The following GPC6 variants were observed in gnomAD, a reference collection of about 807,000 sequenced individuals.
GPC6 encodes glypican-6.
Under a neutral mutation model 55.2 loss-of-function variants are expected in GPC6, and 14 were observed. The observed-to-expected ratio is 0.25, with a 90% CI of 0.17 to 0.40. The LOEUF is 0.40. GPC6 is among the 10% of genes least tolerant of loss of function. The probability of loss-of-function intolerance (pLI) is 1.00; values close to 1 mark genes in which losing one functional copy is unlikely to be tolerated. For synonymous variants in GPC6, 278 were observed against 259.6 expected (o/e 1.07, Z -0.68); for missense variants, 641 against 708.5 (o/e 0.90, Z 1.08).
chr13:93,440,243 C>T (rs1228785950), intron 1 of GPC6, among the ~76,000 whole-genome samples: 2 of 152,140 alleles, frequency 1.3e-5, no homozygotes, highest in Non-Finnish European at 2.9e-5. Context: ...TGGATATTTC[C>T]ATGATTTCTG....
chr13:93,410,736 G>C (rs1187273386), intron 1 of GPC6, among the ~76,000 whole-genome samples: 1 of 152,140 alleles, frequency 6.6e-6, no homozygotes, highest in East Asian at 1.9e-4. Context: ...TAGAATTCCA[G>C]GATAGTCTTT....
At chr13:93,358,357 G>A (rs985301688) in intron 1 of GPC6, among the ~76,000 whole-genome samples, 4 of 152,088 alleles carry the variant, frequency 2.6e-5, no homozygotes, top group African/African-American at 7.2e-5. Context: ...AAAAAAAATG[G>A]TTAACATTTA....
chr13:93,631,854 C>T (rs376470822), intron 2 of GPC6, among the ~76,000 whole-genome samples: 11 of 152,230 alleles, frequency 7.2e-5, no homozygotes, highest in Non-Finnish European at 1.0e-4. Flanking sequence ...AAAGATAGAA[C>T]GAATTTTTAG....
chr13:93,675,200 T>C (rs191778863), intron 2 of GPC6, among the ~76,000 whole-genome samples: 5 of 152,278 alleles, frequency 3.3e-5, no homozygotes, highest in African/African-American at 9.6e-5. Flanking sequence ...TTCTAATGTT[T>C]ATGCAACTCC....
intron 1 of GPC6, among the ~76,000 whole-genome samples, chr13:93,463,274 G>T (rs1394705965): frequency 1.3e-5 from 2 of 152,188 alleles, no homozygotes; most frequent in Non-Finnish European, 2.9e-5. Flanking sequence ...CTGCATGGGT[G>T]CTTAATTGAA....
In GPC6 at chr13:93,468,485, A is replaced by T. The variant is rs996562308; in HGVS notation, c.161-76778A>T. On this transcript the variant is annotated intron_variant, in intron 1 of 8. Coordinates refer to ENST00000377047, the MANE Select transcript of GPC6 (RefSeq NM_005708.5). ...TATTGTAATAAAGAAGCAAATTATA[A>T]TTCGGGGCTGGGGACTGGAGTTTAA... is the stretch of plus-strand genomic sequence containing the variant. 1.7e-5 allele frequency among the ~76,000 whole-genome samples: 2 copies of T among 119,732 alleles called. 1 individual carries two copies. Among genetic ancestry groups the T allele is most frequent in the Non-Finnish European group, 4.0e-5 (2 of 50,146 alleles). The allele number at this position is 119,732 out of a possible 152,430, so 78.5% of individuals were successfully genotyped here.
chr13:93,751,293 A>G (rs1318946837), intron 2 of GPC6, among the ~76,000 whole-genome samples: 1 of 152,154 alleles, frequency 6.6e-6, no homozygotes, highest in Non-Finnish European at 1.5e-5. Context: ...CCTCACCACC[A>G]ATAGTAGCTA....
At chr13:94,031,549 G>T (rs934966305) in intron 4 of GPC6, among the ~76,000 whole-genome samples, 1 of 151,702 alleles carries the variant, frequency 6.6e-6, no homozygotes, top group Non-Finnish European at 1.5e-5. Context: ...TATGCAGTGC[G>T]GTAGGAGAAA....
intron 2 of GPC6, among the ~76,000 whole-genome samples, chr13:93,583,167 T>C (rs192413769): frequency 1.3e-5 from 2 of 152,328 alleles, no homozygotes; most frequent in African/African-American, 4.8e-5. Flanking sequence ...ATAAAGGTTG[T>C]GTTGCTGTTA....
intron 4 of GPC6, among the ~76,000 whole-genome samples, chr13:94,201,335 C>A (rs571300893): frequency 1.3e-5 from 2 of 152,062 alleles, no homozygotes; most frequent in East Asian, 1.9e-4. Context: ...ACAGAGCCAG[C>A]GCTCTTGTGA....
At chr13:93,807,180 C>G (rs1886566865) in intron 2 of GPC6, among the ~76,000 whole-genome samples, 1 of 152,150 alleles carries the variant, frequency 6.6e-6, no homozygotes, top group Admixed American at 6.5e-5. Context: ...TTGCTCTTCT[C>G]CCGTTTCACT....
chr13:93,321,419 A>G (rs1031213656), intron 1 of GPC6, among the ~76,000 whole-genome samples: 3 of 151,968 alleles, frequency 2.0e-5, no homozygotes, highest in African/African-American at 7.2e-5. Flanking sequence ...TTCTTCTGTT[A>G]TTTCTTGGAT....
chr13:93,713,035 A>G (rs1486289768), intron 2 of GPC6, among the ~76,000 whole-genome samples: 1 of 151,598 alleles, frequency 6.6e-6, no homozygotes, highest in Non-Finnish European at 1.5e-5. Flanking sequence ...ATATTTATGT[A>G]TGTATTTATT....
At chr13:94,181,121 C>A (rs908350942) in intron 4 of GPC6, among the ~76,000 whole-genome samples, 36 of 152,172 alleles carry the variant, frequency 2.4e-4, no homozygotes, top group Admixed American at 2.4e-3. Flanking sequence ...ACTCATCAAT[C>A]GTATTTCCCC....
At chr13:94,343,278 A>G (rs1334379168) in intron 6 of GPC6, among the ~76,000 whole-genome samples, 1 of 152,190 alleles carries the variant, frequency 6.6e-6, no homozygotes, top group African/African-American at 2.4e-5. Context: ...TCCTTTTGCC[A>G]GGAGAGCCTG....
At chr13:93,985,715 T>TAAAAAAAAAAAAAAAAAAAAAAAAA (rs1157375754) in intron 3 of GPC6, among the ~76,000 whole-genome samples, 1 of 126,238 alleles carries the variant, frequency 7.9e-6, no homozygotes, top group African/African-American at 2.8e-5. Flanking sequence ...AAAAAAAAAT[T>TAAAAAAAAAAAAAAAAAAAAAAAAA]AAAAAACGGA....
intron 4 of GPC6, among the ~76,000 whole-genome samples, chr13:94,271,748 T>A (rs1249580455): frequency 2.0e-5 from 3 of 152,086 alleles, no homozygotes; most frequent in Non-Finnish European, 4.4e-5. Context: ...CCCCTCACTT[T>A]CTCTCTTTCT....
chr13:93,990,935 G>T (rs907923970), intron 3 of GPC6, among the ~76,000 whole-genome samples: 2 of 147,500 alleles, frequency 1.4e-5, no homozygotes, highest in African/African-American at 2.7e-5. Flanking sequence ...AAGCGGGAGG[G>T]AGGAGGAAGG....
intron 1 of GPC6, among the ~76,000 whole-genome samples, chr13:93,497,239 T>A (rs1339977468): frequency 6.6e-6 from 1 of 152,252 alleles, no homozygotes; most frequent in African/African-American, 2.4e-5. Flanking sequence ...ACATTCACAT[T>A]GTGTCCTGAT....
Sources: allele counts gnomAD v4.1 joint callset (sites outside exome capture counted in the v4.1 genomes callset), GRCh38; gene constraint gnomAD v4.1.1; transcripts MANE v1.5; gene names NCBI Gene and HGNC (gene_info 2026-07-23, HGNC 2026-07-21).